AGBL1: variants seen among roughly 807,000 people sequenced by gnomAD.
AGBL1 encodes AGBL carboxypeptidase 1.
Under a neutral mutation model 118.9 loss-of-function variants are expected in AGBL1, and 130 were observed. The ratio of observed to expected loss-of-function variants is 1.09; its 90% CI spans 0.95 to 1.26. The LOEUF is 1.26. Among genes scored for constraint, AGBL1 ranks in the 50% most tolerant of loss-of-function variants. AGBL1 has a pLI of 0.00. For synonymous variants in AGBL1, 555 were observed against 478.9 expected (o/e 1.16, Z -2.08); for missense variants, 1,584 against 1,298.1 (o/e 1.22, Z -3.38).
intron 18 of AGBL1, among the ~76,000 whole-genome samples, chr15:86,502,625 A>G (rs1179845515): frequency 1.3e-5 from 2 of 148,494 alleles, no homozygotes; most frequent in South Asian, 2.1e-4. Context: ...TGTTTTTATT[A>G]TGAACATATG....
chr15:86,423,471 C>A (rs2081820457), intron 18 of AGBL1, among the ~76,000 whole-genome samples: 1 of 151,698 alleles, frequency 6.6e-6, no homozygotes, highest in Non-Finnish European at 1.5e-5. Flanking sequence ...CTTTGAAAAC[C>A]AGCACTAGAC....
chr15:86,752,469 G>A (rs557460728), intron 22 of AGBL1, among the ~76,000 whole-genome samples: 9 of 152,190 alleles, frequency 5.9e-5, no homozygotes, highest in Admixed American at 5.9e-4. Context: ...CTGAGGTAAT[G>A]AGTTTGAGTC....
chr15:86,712,144 A>C (rs1045289856), intron 22 of AGBL1, among the ~76,000 whole-genome samples: 7 of 152,174 alleles, frequency 4.6e-5, no homozygotes, highest in African/African-American at 1.7e-4. Context: ...AATACATTTT[A>C]GTATAGACAT....
At chr15:86,939,017 T>A in intron 23 of AGBL1, 1 of 152,044 alleles carries the variant, frequency 6.6e-6, no homozygotes, top group South Asian at 2.1e-4. Flanking sequence ...CCTTCACATC[T>A]TTTTCCATCT....
chr15:86,092,417 G>C (rs1032627104), intron 1 of AGBL1, among the ~76,000 whole-genome samples: 3 of 152,020 alleles, frequency 2.0e-5, no homozygotes, highest in Non-Finnish European at 2.9e-5. Context: ...CTTAAATAAT[G>C]GTAGGTTAGA....
At chr15:86,366,867 T>G in intron 17 of AGBL1, among the ~76,000 whole-genome samples, 1 of 152,168 alleles carries the variant, frequency 6.6e-6, no homozygotes, top group East Asian at 1.9e-4. Flanking sequence ...GAGGCTCAGC[T>G]AAGTGATTGC....
intron 18 of AGBL1, among the ~76,000 whole-genome samples, chr15:86,505,262 A>T (rs2082961656): frequency 6.6e-6 from 1 of 151,694 alleles, no homozygotes; most frequent in Admixed American, 6.6e-5. Flanking sequence ...GAGTTTGATG[A>T]GATTTTTGGA....
chr15:86,891,908 T>C (rs973158031), intron 22 of AGBL1, among the ~76,000 whole-genome samples: 10 of 152,154 alleles, frequency 6.6e-5, no homozygotes, highest in Admixed American at 5.9e-4. Flanking sequence ...ATTAGGTAAA[T>C]AGTTTGAATT....
intron 22 of AGBL1, among the ~76,000 whole-genome samples, chr15:86,903,370 C>T (rs927668590): frequency 6.6e-6 from 1 of 152,036 alleles, no homozygotes; most frequent in Non-Finnish European, 1.5e-5. Flanking sequence ...ATTTTCCCTA[C>T]CTTTTTTTCT....
intron 6 of AGBL1, among the ~76,000 whole-genome samples, chr15:86,240,873 C>G (rs1448796969): frequency 6.6e-6 from 1 of 152,104 alleles, no homozygotes; most frequent in Non-Finnish European, 1.5e-5. Flanking sequence ...TTTATTCTTA[C>G]TCATATATGT....
intron 21 of AGBL1, among the ~76,000 whole-genome samples, chr15:86,620,688 G>C (rs1204133394): frequency 1.3e-5 from 2 of 152,050 alleles, no homozygotes; most frequent in Admixed American, 6.6e-5. Flanking sequence ...TCTACTTTCT[G>C]GTTTGAAGTG....
At position 86,500,906 on chromosome 15, in the gene AGBL1, A is replaced by G. The variant is rs577382829; in HGVS notation, c.2556-21904A>G. The stretch of plus-strand genomic sequence containing the variant: ...TTTGTTATTCATCATCAGTTGATGG[A>G]CATTTGGCTTGTTTCCTCTTTCTGA... On this transcript the variant is annotated intron_variant, in intron 18 of 22. Coordinates refer to ENST00000614907, the MANE Select transcript of AGBL1 (RefSeq NM_001386094.1). 8.6e-5 allele frequency among the ~76,000 whole-genome samples: 13 copies of G among 151,820 alleles called. No individual in the cohort carries two copies. The South Asian group carries it at 2.5e-3, about 29-fold the overall frequency.
chr15:86,687,665 G>C (rs915893741), intron 22 of AGBL1, among the ~76,000 whole-genome samples: 22 of 152,168 alleles, frequency 1.4e-4, no homozygotes, highest in African/African-American at 5.1e-4. Context: ...CATAGGCTAA[G>C]TTAGTTCCAC....
intron 21 of AGBL1, among the ~76,000 whole-genome samples, chr15:86,652,865 A>G (rs1376585049): frequency 6.6e-6 from 1 of 152,136 alleles, no homozygotes; most frequent in Non-Finnish European, 1.5e-5. Flanking sequence ...GACAGTATCT[A>G]GAGACATTTT....
chr15:86,084,355 G>T (rs1895491923), intron 1 of AGBL1, among the ~76,000 whole-genome samples: 1 of 152,246 alleles, frequency 6.6e-6, no homozygotes, highest in African/African-American at 2.4e-5. Context: ...ATTATTAAGG[G>T]TCCACTTGTG....
intron 21 of AGBL1, among the ~76,000 whole-genome samples, chr15:86,568,493 A>T (rs556804959): frequency 6.6e-6 from 1 of 152,320 alleles, no homozygotes; most frequent in South Asian, 2.1e-4. Flanking sequence ...GGAGGCTGTA[A>T]ATCCCTGACT....
At chr15:86,336,050 G>T (rs956865966) in intron 17 of AGBL1, among the ~76,000 whole-genome samples, 2 of 152,232 alleles carry the variant, frequency 1.3e-5, no homozygotes, top group African/African-American at 2.4e-5. Context: ...GAGAAAGCAT[G>T]AAGTTAGCTT....
At chr15:86,628,156 C>A (rs186583401) in intron 21 of AGBL1, among the ~76,000 whole-genome samples, 10 of 152,290 alleles carry the variant, frequency 6.6e-5, no homozygotes, top group Non-Finnish European at 1.0e-4. Flanking sequence ...GGGTTTGTTA[C>A]ATAGCTTGCT....
At chr15:86,119,264 G>A (rs886534924) in intron 1 of AGBL1, among the ~76,000 whole-genome samples, 1 of 152,004 alleles carries the variant, frequency 6.6e-6, no homozygotes. Context: ...AGACACTAAA[G>A]TGAGTCTGTG....
Sources: allele counts gnomAD v4.1 joint callset (sites outside exome capture counted in the v4.1 genomes callset), GRCh38; gene constraint gnomAD v4.1.1; transcripts MANE v1.5; gene names NCBI Gene and HGNC (gene_info 2026-07-23, HGNC 2026-07-21).